The following SORCS2 variants were observed in gnomAD, a reference collection of about 807,000 sequenced individuals.
SORCS2 encodes sortilin related VPS10 domain containing receptor 2.
SORCS2 carries 100 observed loss-of-function variants against 141.6 expected under a neutral mutation model. That is an observed-to-expected ratio of 0.71 (90% CI 0.60 to 0.83). The LOEUF (loss-of-function observed/expected upper bound fraction) is 0.83. Among genes scored for constraint, SORCS2 ranks in the 40% least tolerant of loss-of-function variants. SORCS2 has a pLI of 0.00. For synonymous variants in SORCS2, 789 were observed against 676.9 expected (o/e 1.17, Z -2.57); for missense variants, 1,646 against 1,560.2 (o/e 1.05, Z -0.93).
At position 7,724,677 on chromosome 4, in the gene SORCS2, AGT is replaced by A. The variant is rs1560114424; in HGVS notation, c.2612-475_2612-474del. 7.8e-4 allele frequency among the ~76,000 whole-genome samples: 63 copies of A among 81,182 alleles called. 10 individuals are homozygous for A. The highest frequency in any genetic ancestry group is 3.2e-3 in the South Asian group (7 of 2,218). The allele number at this position is 81,182 out of a possible 152,430, so 53.3% of individuals were successfully genotyped here. On this transcript the variant is annotated intron_variant, in intron 19 of 26. Coordinates refer to ENST00000507866, the MANE Select transcript of SORCS2 (RefSeq NM_020777.3). The stretch of plus-strand genomic sequence containing the variant: ...TGGTAGTTATGGTGATAATGGTGGT[AGT>A]GGTGATGGTGGTGGTGTTGGTGATG...
rs183255461 is a variant in SORCS2 at position 7,348,028 on chromosome 4, C to T, written c.481-48260C>T. Among the ~76,000 whole-genome samples, 453 of 152,292 alleles carry T rather than the reference C, an allele frequency of 3.0e-3. 5 individuals carry two copies. Among genetic ancestry groups the T allele is most frequent in the African/African-American group, 0.01 (431 of 41,562 alleles). On this transcript the variant is annotated intron_variant, in intron 1 of 26. Transcript: ENST00000507866. Reference sequence around the variant, plus strand: ...CACAGGCAACCACAATTTTGATGAACGGAAGTGAGAATGATTTCTGAGGAT... The same window carrying T: ...CACAGGCAACCACAATTTTGATGAATGGAAGTGAGAATGATTTCTGAGGAT...
Position 7,728,544 on chromosome 4 carries a change from G to A in SORCS2, c.2982+82G>A, listed in dbSNP as rs1354364513. On this transcript the variant is annotated intron_variant, in intron 22 of 26. Coordinates refer to ENST00000507866, the MANE Select transcript of SORCS2 (RefSeq NM_020777.3). ...AAGCCCAAGGGCCCCGGGGTGCTCAGGGAAAGGAGAGGCGGGTGGCACTGC... is the reference window on the plus strand; with the variant it reads ...AAGCCCAAGGGCCCCGGGGTGCTCAAGGAAAGGAGAGGCGGGTGGCACTGC... 84 of 1,014,762 alleles carry A rather than the reference G, an allele frequency of 8.3e-5. No homozygotes were observed. In the East Asian group the frequency reaches 2.2e-3, roughly 27 times the overall value. 62.9% of individuals were successfully genotyped at this position (1,014,762 alleles called of 1,614,324 possible). A position where few individuals can be genotyped will look rare whatever the true frequency, so the allele number is the denominator to read the frequency against.
intron 8 of SORCS2, among the ~76,000 whole-genome samples, chr4:7,671,077 G>A (rs1227650903): frequency 6.6e-6 from 1 of 152,180 alleles, no homozygotes; most frequent in Admixed American, 6.5e-5. Context: ...CAGCAGGCAT[G>A]CCCAGGGAAA....
intron 1 of SORCS2, among the ~76,000 whole-genome samples, chr4:7,308,208 T>C (rs1717958366): frequency 6.6e-6 from 1 of 152,170 alleles, no homozygotes; most frequent in South Asian, 2.1e-4. Context: ...GTGAAACTCC[T>C]TTAGGGATCA....
At chr4:7,428,031 G>T (rs1046691196) in intron 2 of SORCS2, among the ~76,000 whole-genome samples, 3 of 152,116 alleles carry the variant, frequency 2.0e-5, no homozygotes, top group African/African-American at 7.2e-5. Flanking sequence ...TCTTCTGGGG[G>T]CACCCATCTC....
At chr4:7,446,040 C>A (rs1324683253) in intron 2 of SORCS2, among the ~76,000 whole-genome samples, 2 of 152,010 alleles carry the variant, frequency 1.3e-5, no homozygotes, top group Non-Finnish European at 2.9e-5. Context: ...TCTTTCATTC[C>A]TTTCCTTTCA....
chr4:7,725,954 G>T (rs1447803533), intron 20 of SORCS2, among the ~76,000 whole-genome samples: 1 of 152,230 alleles, frequency 6.6e-6, no homozygotes, highest in Non-Finnish European at 1.5e-5. Context: ...AGGAGCTCAG[G>T]GTCTGGGTTC....
chr4:7,355,181 C>T (rs975809050), intron 1 of SORCS2, among the ~76,000 whole-genome samples: 14 of 152,144 alleles, frequency 9.2e-5, no homozygotes, highest in African/African-American at 2.9e-4. Flanking sequence ...TCTGTCCTCA[C>T]GAGCTGGAGC....
At chr4:7,675,595 C>T (rs1327546810) in intron 8 of SORCS2, among the ~76,000 whole-genome samples, 1 of 152,182 alleles carries the variant, frequency 6.6e-6, no homozygotes, top group African/African-American at 2.4e-5. Flanking sequence ...GTTGGTACTT[C>T]CCAAATGTGT....
chr4:7,635,348 G>A (rs1053365724), intron 3 of SORCS2, among the ~76,000 whole-genome samples: 4 of 152,150 alleles, frequency 2.6e-5, no homozygotes, highest in African/African-American at 7.2e-5. Flanking sequence ...GCAGGAACTC[G>A]CTAGGCTATC....
At chr4:7,330,513 C>A (rs1017743261) in intron 1 of SORCS2, among the ~76,000 whole-genome samples, 45 of 151,722 alleles carry the variant, frequency 3.0e-4, no homozygotes, top group Admixed American at 2.6e-3. Context: ...GGGGAAAGAG[C>A]GAGTCTGTGT....
intron 6 of SORCS2, among the ~76,000 whole-genome samples, chr4:7,662,087 C>T (rs530726029): frequency 1.4e-4 from 21 of 152,266 alleles, no homozygotes; most frequent in South Asian, 4.1e-4. Flanking sequence ...CCTCGGGGCC[C>T]GAGGCCAGTC....
At chr4:7,334,852 TG>T (rs1404941883) in intron 1 of SORCS2, among the ~76,000 whole-genome samples, 1 of 151,844 alleles carries the variant, frequency 6.6e-6, no homozygotes, top group Non-Finnish European at 1.5e-5. Context: ...AGTTGGCCTG[TG>T]GAGCTGGCAG....
At chr4:7,455,442 G>A in intron 2 of SORCS2, among the ~76,000 whole-genome samples, 1 of 138,030 alleles carries the variant, frequency 7.2e-6, no homozygotes, top group Non-Finnish European at 1.6e-5. Context: ...GTGTGTTGGG[G>A]TCAGGAGCTG....
At position 7,594,853 on chromosome 4, in the gene SORCS2, G is replaced by C. The variant is rs529718964; in HGVS notation, c.649-43475G>C. On this transcript the variant is annotated intron_variant, in intron 3 of 26. Transcript: ENST00000507866. The stretch of plus-strand genomic sequence containing the variant: ...TCCTCATCTGTAAACCAGCATAATA[G>C]TAGCAGCAAATCCATTGATTGGCTC... Among the ~76,000 whole-genome samples the C allele has an allele frequency of 1.4e-4, 21 of 152,282 alleles. No individual in the cohort carries two copies. In the South Asian group the frequency reaches 4.4e-3, roughly 32 times the overall value.
At chr4:7,616,428 C>CTCCA (rs1718765363) in intron 3 of SORCS2, among the ~76,000 whole-genome samples, 1 of 152,018 alleles carries the variant, frequency 6.6e-6, no homozygotes, top group African/African-American at 2.4e-5. Context: ...TCCACTTATC[C>CTCCA]TCCATCCATC....
At chr4:7,472,268 C>T (rs143802015) in intron 2 of SORCS2, among the ~76,000 whole-genome samples, 1 of 152,176 alleles carries the variant, frequency 6.6e-6, no homozygotes, top group Non-Finnish European at 1.5e-5. Context: ...TGCACAGGGG[C>T]ACTTTCCCCA....
Position 7,663,070 on chromosome 4 carries a change from GTGAA to G in SORCS2, c.953-1279_953-1276del, listed in dbSNP as rs937873736. Among the ~76,000 whole-genome samples the G allele has an allele frequency of 1.3e-5, 2 of 152,046 alleles. No individual in the cohort carries two copies. The highest frequency in any genetic ancestry group is 4.8e-5 in the African/African-American group (2 of 41,374). On this transcript the variant is annotated intron_variant, in intron 6 of 26. Coordinates refer to ENST00000507866, the MANE Select transcript of SORCS2 (RefSeq NM_020777.3). This position sits in a 1 kb window ranked among gnomAD's most constrained non-coding sequence, Gnocchi z 4.8. ...AAGGAATGATTGAGTGAAAGAGTGG[GTGAA>G]TGAGTGAGTGAGTGAGTGAATGAGT... is the stretch of plus-strand genomic sequence containing the variant.
At chr4:7,473,482 C>T (rs1478249765) in intron 2 of SORCS2, among the ~76,000 whole-genome samples, 2 of 152,166 alleles carry the variant, frequency 1.3e-5, no homozygotes, top group African/African-American at 4.8e-5. Context: ...GCGTGCACTC[C>T]AGGCAGAGGC....
Sources: gnomAD v4.1 joint callset for allele counts (sites outside exome capture counted in the v4.1 genomes callset) on GRCh38, gnomAD v4.1.1 for gene constraint, Gnocchi (gnomAD v3.1) non-coding constraint, MANE v1.5 for transcripts, NCBI Gene and HGNC (gene_info 2026-07-23, HGNC 2026-07-21) for gene names.